Variants in CDH23 observed in about 807,000 individuals in gnomAD.
The protein encoded by CDH23 is cadherin-23.
In CDH23, 189 loss-of-function variants were observed where a neutral mutation model predicts 317.1. The observed-to-expected ratio is 0.60, with a 90% CI of 0.53 to 0.67. The LOEUF is 0.67. CDH23 is among the 30% of genes least tolerant of loss of function. The pLI is 0.00. For synonymous variants in CDH23, 1,839 were observed against 1,876.8 expected, an observed-to-expected ratio of 0.98 and a Z score of 0.52; for missense variants, 4,401 against 4,592.4, an observed-to-expected ratio of 0.96 and a Z score of 1.20.
chr10:71,532,833 G>A (rs111494799), intron 6 of CDH23, among the ~76,000 whole-genome samples: 3,190 of 149,458 alleles, frequency 0.021, 52 homozygotes, highest in Non-Finnish European at 0.035. Flanking sequence ...AGGTTCAAGC[G>A]ATTCTCCTGC....
At position 71,713,471 on chromosome 10, in the gene CDH23, A is replaced by G. The variant is rs1866075132; in HGVS notation, c.3369+658A>G. 6.9e-6 allele frequency: 4 copies of G among 582,896 alleles called. No individual in the cohort carries two copies. The East Asian group carries it at 8.6e-5, about 13-fold the overall frequency. The allele number at this position is 582,896 out of a possible 1,614,324, so 36.1% of individuals were successfully genotyped here. ...GGAATCTGGGCCTGCCCACTGGGGC[A>G]GGCTCCCGGGCTTGGGAGGGACAGA... On this transcript the variant is annotated intron_variant, in intron 28 of 69. Coordinates refer to ENST00000224721, the MANE Select transcript of CDH23 (RefSeq NM_022124.6).
chr10:71,558,792 G>A (rs1467702669), intron 6 of CDH23, among the ~76,000 whole-genome samples: 1 of 152,224 alleles, frequency 6.6e-6, no homozygotes, highest in Non-Finnish European at 1.5e-5. Flanking sequence ...ACATGTCAAT[G>A]TTTGTGTTTT....
intron 6 of CDH23, among the ~76,000 whole-genome samples, chr10:71,557,530 C>A (rs1856930637): frequency 6.6e-6 from 1 of 152,136 alleles, no homozygotes; most frequent in African/African-American, 2.4e-5. Context: ...TCATATTTTC[C>A]TGTTTCTTGG....
chr10:71,625,331 G>A (rs547142250), intron 11 of CDH23, among the ~76,000 whole-genome samples: 2 of 143,572 alleles, frequency 1.4e-5, no homozygotes, highest in Admixed American at 7.1e-5. Context: ...TTATTTGAGG[G>A]GCATAGAAAA....
intron 6 of CDH23, among the ~76,000 whole-genome samples, chr10:71,533,674 G>C (rs1288348623): frequency 6.6e-6 from 1 of 152,060 alleles, no homozygotes; most frequent in Non-Finnish European, 1.5e-5. Context: ...CCCAGTCAGT[G>C]GTTTGGATTT....
At chr10:71,634,934 C>T (rs980661708) in intron 11 of CDH23, among the ~76,000 whole-genome samples, 3 of 152,360 alleles carry the variant, frequency 2.0e-5, no homozygotes, top group African/African-American at 7.2e-5. Context: ...CAGGAAGTAC[C>T]CTCTGGGCTG....
chr10:71,774,385 A>G (rs1840768189), intron 38 of CDH23, among the ~76,000 whole-genome samples: 1 of 152,178 alleles, frequency 6.6e-6, no homozygotes, highest in African/African-American at 2.4e-5. Flanking sequence ...CTCAGGGCTC[A>G]GCTCAAGTCC....
At chr10:71,486,635 G>C (rs1415248266) in intron 3 of CDH23, among the ~76,000 whole-genome samples, 1 of 152,182 alleles carries the variant, frequency 6.6e-6, no homozygotes, top group African/African-American at 2.4e-5. Flanking sequence ...TTTCTAGATG[G>C]GAAACGGAGG....
intron 6 of CDH23, among the ~76,000 whole-genome samples, chr10:71,545,855 G>T (rs1856247837): frequency 6.6e-6 from 1 of 152,192 alleles, no homozygotes; most frequent in South Asian, 2.1e-4. Context: ...TAGGGGAGGT[G>T]ACTCTCCAGG....
rs1183656418 is a variant in CDH23, at chr10:71,815,485, A to C, written c.*207A>C. 2 of 467,538 alleles carry C rather than the reference A, an allele frequency of 4.3e-6. No individual in the cohort carries two copies. The highest frequency in any genetic ancestry group is 7.5e-6 in the Non-Finnish European group (2 of 266,146). 29.0% of individuals were successfully genotyped at this position (467,538 alleles called of 1,614,324 possible). A position where few individuals can be genotyped will look rare whatever the true frequency, so the allele number is the denominator to read the frequency against. On this transcript the variant is annotated 3_prime_UTR_variant, in exon 70 of 70. Transcript: ENST00000224721. The stretch of plus-strand genomic sequence containing the variant: ...AGCATCTGACCTCTACCTTCATAAG[A>C]TCTGTTATTTTTATAAGAAAACCAA...
intron 14 of CDH23, among the ~76,000 whole-genome samples, chr10:71,653,165 T>A (rs1429415660): frequency 6.6e-6 from 1 of 152,156 alleles, no homozygotes; most frequent in African/African-American, 2.4e-5. Context: ...TCCTGCCACA[T>A]CAGCAGACAG....
At chr10:71,527,601 G>C (rs530037626) in intron 6 of CDH23, among the ~76,000 whole-genome samples, 35 of 152,284 alleles carry the variant, frequency 2.3e-4, no homozygotes, top group African/African-American at 8.2e-4. Flanking sequence ...TCCACATGGG[G>C]ACAGCTTCTC....
chr10:71,756,286 C>T lies in CDH23; in HGVS notation c.4845+14365C>T, dbSNP rs1437487479. The stretch of plus-strand genomic sequence containing the variant: ...TTATATTCCCTGCAAATACAGCAGA[C>T]GCAGCATCATATGACAATGCTTTTC... On this transcript the variant is annotated intron_variant, in intron 38 of 69. Coordinates refer to ENST00000224721, the MANE Select transcript of CDH23 (RefSeq NM_022124.6). Among the ~76,000 whole-genome samples, 4 of 152,200 alleles carry T rather than the reference C, an allele frequency of 2.6e-5. 1 individual carries two copies. The highest frequency in any genetic ancestry group is 4.1e-4 in the South Asian group (2 of 4,832).
chr10:71,647,407 G>A (rs1196896914), intron 14 of CDH23, among the ~76,000 whole-genome samples: 1 of 151,920 alleles, frequency 6.6e-6, no homozygotes, highest in Non-Finnish European at 1.5e-5. Flanking sequence ...AGGTTGCAGT[G>A]AGCCGAGATT....
At chr10:71,599,043 G>A (rs1466231473) in intron 9 of CDH23, among the ~76,000 whole-genome samples, 1 of 139,388 alleles carries the variant, frequency 7.2e-6, no homozygotes, top group African/African-American at 2.6e-5. Flanking sequence ...ATCCCAGCCC[G>A]GGACCCCTGG....
At chr10:71,499,823 G>C (rs1853181281) in intron 3 of CDH23, among the ~76,000 whole-genome samples, 1 of 151,832 alleles carries the variant, frequency 6.6e-6, no homozygotes, top group Non-Finnish European at 1.5e-5. Context: ...TGAGCAACAA[G>C]AGTGAAATTC....
chr10:71,793,451 C>T lies in CDH23; in HGVS notation c.6523C>T (p.Leu2175Phe). Reference protein sequence around the residue: ...DDINDSRPEFLNPIQTVSVLE... With the variant: ...DDINDSRPEFFNPIQTVSVLE... ...CATCAATGACTCCCGCCCCGAGTTC[C>T]TCAACCCCATCCAGACAGTGAGCGT... Residue 2175 changes from leucine to phenylalanine, a missense_variant, in exon 48 of 70, where the codon CTC becomes TTC. Physicochemically the swap from Leu to Phe is conservative, Grantham distance 22. Transcript: ENST00000224721. 6.2e-7 allele frequency: 1 copy of T among 1,614,012 alleles called. No homozygotes were observed. Among genetic ancestry groups the T allele is most frequent in the Non-Finnish European group, 8.5e-7 (1 of 1,179,892 alleles).
intron 1 of CDH23, among the ~76,000 whole-genome samples, chr10:71,428,472 A>C (rs1295722112): frequency 6.6e-6 from 1 of 150,720 alleles, no homozygotes; most frequent in Non-Finnish European, 1.5e-5. Flanking sequence ...TGTGTGTGTT[A>C]TAATAGCCAT....
At chr10:71,465,996 C>T (rs1461627739) in intron 3 of CDH23, among the ~76,000 whole-genome samples, 1 of 152,202 alleles carries the variant, frequency 6.6e-6, no homozygotes, top group Non-Finnish European at 1.5e-5. Context: ...TCACCCCGGC[C>T]TGTGCTGGGC....
Sources: gnomAD v4.1 joint callset for allele counts (sites outside exome capture counted in the v4.1 genomes callset) on GRCh38, gnomAD v4.1.1 for gene constraint, MANE v1.5 for transcripts, NCBI Gene and HGNC (gene_info 2026-07-23, HGNC 2026-07-21) for gene names.